SP2: variants seen among roughly 807,000 people sequenced by gnomAD.
SP2 encodes the protein Sp2 transcription factor.
In SP2, 9 loss-of-function variants were observed where a neutral mutation model predicts 50.1. That is an observed-to-expected ratio of 0.18 (90% confidence interval 0.11 to 0.31). SP2 has a LOEUF of 0.31. SP2 is among the 10% of genes least tolerant of loss of function. SP2 has a pLI of 1.00. For missense variants in SP2, 581 were observed against 806.5 expected (o/e 0.72, Z 3.39); for synonymous variants, 313 against 326.6 (o/e 0.96, Z 0.45).
At position 47,925,432 on chromosome 17, in the gene SP2, C is replaced by T; in HGVS notation, c.1632C>T (p.Ala544=). ...TCCGTAAGACGTCCTTGCTGCGTGCCCATGTGCGCCTGCACACTGGCGAGC... is the reference window on the plus strand; with the variant it reads ...TCCGTAAGACGTCCTTGCTGCGTGCTCATGTGCGCCTGCACACTGGCGAGC... The part of the protein sequence containing the change: ...KTFRKTSLLR[A]HVRLHTGERP... Residue 544 remains alanine (A), a synonymous_variant, in exon 6 of 7, where the codon GCC becomes GCT. Transcript: ENST00000376741. The T allele has an allele frequency of 1.2e-6, 2 of 1,614,234 alleles. No individual in the cohort carries two copies. The highest frequency in any genetic ancestry group is 1.7e-6 in the Non-Finnish European group (2 of 1,180,040).
Position 47,924,798 on chromosome 17 carries a change from C to G in SP2, c.1373-121C>G, listed in dbSNP as rs78311826. The G allele has an allele frequency of 2.5e-3, 2,111 of 852,504 alleles. 23 individuals are homozygous for G. In the African/African-American group the frequency reaches 0.03, roughly 12 times the overall value. The allele number at this position is 852,504 out of a possible 1,614,324, so 52.8% of individuals were successfully genotyped here. Reference sequence around the variant, plus strand: ...GGTCCTTAAAATGATATCCAACATACAGCAGGCTCTCAAAAATAGCTGCTG... The same window carrying G: ...GGTCCTTAAAATGATATCCAACATAGAGCAGGCTCTCAAAAATAGCTGCTG... On this transcript the variant is annotated intron_variant, in intron 4 of 6. Coordinates refer to ENST00000376741, the MANE Select transcript of SP2 (RefSeq NM_003110.6).
rs1171087851 is a variant in SP2, at chr17:47,916,623, C to G, written c.552C>G (p.Ile184Met). The stretch of plus-strand genomic sequence containing the variant: ...CTGTCCCCATCAAGCCAGCCCCCAT[C>G]CAGAAGTCGAGTACGACCACCACCC... ...HKPVPIKPAP[I>M]QKSSTTTTPV... Residue 184 changes from isoleucine to methionine, a missense_variant, in exon 3 of 7, where the codon ATC (isoleucine) becomes ATG (methionine). Physicochemically the swap from Ile to Met is conservative, Grantham distance 10. This residue lies in a region of SP2 where 397 missense variants were observed against 491.0 expected (regional missense o/e 0.81). Coordinates refer to ENST00000376741, the MANE Select transcript of SP2 (RefSeq NM_003110.6). This position sits in a 1 kb window ranked among gnomAD's most constrained non-coding sequence, Gnocchi z 4.7. 1 of 1,614,026 alleles carries G rather than the reference C, an allele frequency of 6.2e-7. No individual in the cohort carries two copies. The highest frequency in any genetic ancestry group is 1.3e-5 in the African/African-American group (1 of 74,920).
chr17:47,909,586 TA>T, intron 1 of SP2: 1 of 443,576 alleles, frequency 2.3e-6, no homozygotes, highest in Non-Finnish European at 3.0e-6. Context: ...TATATGCCTT[TA>T]AACCCTCGAT....
chr17:47,918,640 T>G (rs1484588174), intron 3 of SP2: 1 of 152,250 alleles, frequency 6.6e-6, no homozygotes, highest in Admixed American at 6.5e-5. Context: ...CTACACAGCT[T>G]TATAACATCC....
rs550619098 is a variant in SP2, at chr17:47,923,043, A to C, written c.1141A>C (p.Asn381His). 1 of 1,614,172 alleles carries C rather than the reference A, an allele frequency of 6.2e-7. No individual in the cohort carries two copies. The highest frequency in any genetic ancestry group is 1.3e-5 in the African/African-American group (1 of 75,036). ...CCCAGCAACAGCTGCAGCCACCTCT[A>C]ACACCACCTGTAGCAGCCCTGCATC... is the stretch of plus-strand genomic sequence containing the variant. Reference protein sequence around the residue: ...SPPATAAATSNTTCSSPASRA... With the variant: ...SPPATAAATSHTTCSSPASRA... The change falls in exon 4 of 7, where the codon AAC (asparagine) becomes CAC (histidine). Residue 381 changes from asparagine (N) to histidine (H), a missense_variant. Physicochemically the swap from Asn to His is moderately conservative, Grantham distance 68. Transcript: ENST00000376741.
chr17:47,915,571 CA>C (rs1281299446), intron 2 of SP2, among the ~76,000 whole-genome samples, 183 bp downstream of exon 2: 8 of 152,130 alleles, frequency 5.3e-5, no homozygotes, highest in East Asian at 1.9e-4. Context: ...GCAGTTGGGC[CA>C]GGGGGAAAAA....
chr17:47,902,107 A>G (rs1258700008), intron 1 of SP2, among the ~76,000 whole-genome samples: 2 of 152,050 alleles, frequency 1.3e-5, no homozygotes, highest in Non-Finnish European at 2.9e-5. Context: ...TCCGAGTAAA[A>G]CCCTGAAGGA....
chr17:47,897,914 G>T (rs1282698509), intron 1 of SP2: 1 of 975,756 alleles, frequency 1.0e-6, no homozygotes, highest in Non-Finnish European at 1.2e-6. Flanking sequence ...GATTATCATT[G>T]GCTGGGACGA....
chr17:47,920,187 C>T (rs949513321), intron 3 of SP2, among the ~76,000 whole-genome samples: 1 of 152,150 alleles, frequency 6.6e-6, no homozygotes, highest in South Asian at 2.1e-4. Flanking sequence ...TTCAGGTCGG[C>T]TCTCTGCAAC....
intron 1 of SP2, among the ~76,000 whole-genome samples, chr17:47,909,071 C>T (rs533059548): frequency 3.3e-5 from 5 of 152,278 alleles, no homozygotes; most frequent in African/African-American, 1.2e-4. Context: ...TGGTTCTACC[C>T]TTTGAACCCA....
chr17:47,903,279 T>G (rs2034616565), intron 1 of SP2, among the ~76,000 whole-genome samples: 1 of 151,954 alleles, frequency 6.6e-6, no homozygotes, highest in African/African-American at 2.4e-5. Flanking sequence ...CATTTAGAAT[T>G]TGAGAGGAGA....
At chr17:47,931,520 C>T (rs1226695491), downstream of SP2, among the ~76,000 whole-genome samples, 2 of 152,040 alleles carry the variant, frequency 1.3e-5, no homozygotes, top group Non-Finnish European at 2.9e-5. Context: ...GAGCCCTGAG[C>T]GGATGGATGA....
chr17:47,917,281 C>T (rs1304850197), intron 3 of SP2, 151 bp downstream of exon 3: 2 of 706,644 alleles, frequency 2.8e-6, no homozygotes, highest in African/African-American at 1.8e-5. Flanking sequence ...TTCTACCTGA[C>T]AAATGGGCTC....
intron 1 of SP2, among the ~76,000 whole-genome samples, chr17:47,902,331 G>A (rs1251750698): frequency 6.6e-6 from 1 of 152,182 alleles, no homozygotes; most frequent in Non-Finnish European, 1.5e-5. Context: ...TGTCACAATG[G>A]AGATTTTGGC....
intron 3 of SP2, among the ~76,000 whole-genome samples, chr17:47,919,840 T>C (rs2035367700): frequency 7.0e-6 from 1 of 143,230 alleles, no homozygotes; most frequent in African/African-American, 2.6e-5. Context: ...TTTTTTTTTT[T>C]TTTTTTTCTG....
chr17:47,906,288 T>C (rs1010107140), intron 1 of SP2, among the ~76,000 whole-genome samples: 4 of 152,158 alleles, frequency 2.6e-5, no homozygotes, highest in African/African-American at 9.7e-5. Context: ...AGGGGGATAC[T>C]CAGGTTTTGT....
intron 1 of SP2, chr17:47,897,998 C>A: frequency 4.1e-5 from 16 of 394,770 alleles, no homozygotes; most frequent in Non-Finnish European, 5.5e-5. Flanking sequence ...AAAGCAACTA[C>A]AAGAAAAAAA....
intron 4 of SP2, 145 bp downstream of exon 4, chr17:47,923,419 CA>C: frequency 1.5e-6 from 1 of 659,240 alleles, no homozygotes; most frequent in Non-Finnish European, 2.6e-6. Context: ...TGCAGCTTCT[CA>C]CCTAGTCCTT....
At chr17:47,898,977 A>G (rs1468857869) in intron 1 of SP2, 1 of 152,256 alleles carries the variant, frequency 6.6e-6, no homozygotes, top group Non-Finnish European at 1.5e-5. Context: ...GAACTAAACC[A>G]GTATCCAGTA....
Sources: gnomAD v4.1 joint callset for allele counts (sites outside exome capture counted in the v4.1 genomes callset) on GRCh38, gnomAD v4.1.1 for gene constraint, gnomAD v4.1.1 regional missense constraint, Gnocchi (gnomAD v3.1) non-coding constraint, MANE v1.5 for transcripts, NCBI Gene and HGNC (gene_info 2026-07-23, HGNC 2026-07-21) for gene names.